The following ATIC variants were observed in gnomAD, a reference collection of about 807,000 sequenced individuals.
ATIC encodes 5-aminoimidazole-4-carboxamide ribonucleotide formyltransferase/IMP cyclohydrolase.
A neutral mutation model predicts 72.5 loss-of-function variants in ATIC; 64 were observed. The ratio of observed to expected loss-of-function variants is 0.88; its 90% CI spans 0.72 to 1.09. The LOEUF is 1.09. Ranked by LOEUF, ATIC falls within the 50% of genes least tolerant of loss-of-function variation. The pLI is 0.00. For missense variants in ATIC, 787 were observed against 732.4 expected (o/e 1.07, Z -0.86); for synonymous variants, 281 against 267.1 (o/e 1.05, Z -0.51).
chr2:215,326,259 T>A (rs2052824278), intron 6 of ATIC, 121 bp downstream of exon 6: 1 of 1,276,290 alleles, frequency 7.8e-7, no homozygotes, highest in Non-Finnish European at 1.1e-6. Context: ...GGAGCTGCTA[T>A]CCTTTTGTTA....
intron 12 of ATIC, among the ~76,000 whole-genome samples, chr2:215,344,236 C>G (rs1005569952): frequency 3.9e-5 from 6 of 152,214 alleles, no homozygotes; most frequent in African/African-American, 1.2e-4. Flanking sequence ...TACAAAATAA[C>G]ATGAGTTTGT....
chr2:215,357,844 C>T, the ATIC span, among the ~76,000 whole-genome samples: 1 of 150,522 alleles, frequency 6.6e-6, no homozygotes, highest in Admixed American at 6.6e-5. Flanking sequence ...GTCCCAACAG[C>T]GGTCTTTTTT....
the ATIC span, among the ~76,000 whole-genome samples, chr2:215,355,079 CA>C: frequency 6.6e-6 from 1 of 151,986 alleles, no homozygotes; most frequent in African/African-American, 2.4e-5. Flanking sequence ...CCAAAAAAAG[CA>C]GTGTCCTGCC....
At chr2:215,331,467 C>T (rs1416230360) in intron 7 of ATIC, among the ~76,000 whole-genome samples, 6 of 150,752 alleles carry the variant, frequency 4.0e-5, no homozygotes, top group Non-Finnish European at 1.5e-5. Flanking sequence ...ACTACAACCT[C>T]CACCTTCCAG....
downstream of ATIC, among the ~76,000 whole-genome samples, chr2:215,351,525 G>T (rs115828522): frequency 6.6e-6 from 1 of 152,274 alleles, no homozygotes; most frequent in Non-Finnish European, 1.5e-5. Flanking sequence ...ACTTTGGGAG[G>T]ATTGCTTGAG....
In ATIC at chr2:215,312,764, TG is replaced by T. The variant is rs902440510; in HGVS notation, c.146+144del. 8 of 1,362,864 alleles carry T rather than the reference TG, an allele frequency of 5.9e-6. No homozygotes were observed. In the African/African-American group the frequency reaches 1.0e-4, roughly 17 times the overall value. 84.4% of individuals were successfully genotyped at this position (1,362,864 alleles called of 1,614,324 possible). A position where few individuals can be genotyped will look rare whatever the true frequency, so the allele number is the denominator to read the frequency against. ...GTTGGTGTAATACTTCCCCACTTTA[TG>T]GGGAAAAAAAGTGAGGCTCAGAGAG... On this transcript the variant is annotated intron_variant, in intron 2 of 15. Coordinates refer to ENST00000236959, the MANE Select transcript of ATIC (RefSeq NM_004044.7).
intron 9 of ATIC, among the ~76,000 whole-genome samples, chr2:215,334,563 A>T (rs1377175768): frequency 6.6e-6 from 1 of 152,162 alleles, no homozygotes; most frequent in Non-Finnish European, 1.5e-5. Flanking sequence ...ATAACCCATG[A>T]ATATCCCTTT....
At chr2:215,325,049 C>T (rs1473913778) in intron 4 of ATIC, 192 bp from the exon 5 acceptor site, 2 of 548,110 alleles carry the variant, frequency 3.6e-6, no homozygotes, top group African/African-American at 3.8e-5. Flanking sequence ...ATTACCTCTG[C>T]TCGACCCCAG....
At chr2:215,340,197 TAATG>T (rs1410679539) in intron 12 of ATIC, among the ~76,000 whole-genome samples, 2 of 152,206 alleles carry the variant, frequency 1.3e-5, no homozygotes, top group East Asian at 1.9e-4. Flanking sequence ...CCTAGGATAA[TAATG>T]GTGATTTTTG....
downstream of ATIC, among the ~76,000 whole-genome samples, chr2:215,354,392 T>C (rs111497037): frequency 5.1e-3 from 776 of 152,272 alleles, 6 homozygotes; most frequent in African/African-American, 0.018. Flanking sequence ...GTGGGTGTTA[T>C]TTGTATTTCC....
the ATIC span, chr2:215,362,430 G>A: frequency 6.7e-6 from 2 of 297,394 alleles, no homozygotes; most frequent in Non-Finnish European, 1.3e-5. Context: ...GAATCCTAGC[G>A]ATTTTAAAAG....
intron 8 of ATIC, among the ~76,000 whole-genome samples, chr2:215,332,771 A>T (rs2052910095): frequency 1.3e-5 from 2 of 152,194 alleles, no homozygotes. Context: ...GAAATGTCCT[A>T]ATGCAATAGA....
chr2:215,317,915 A>G (rs561780387), intron 2 of ATIC, among the ~76,000 whole-genome samples: 34 of 152,358 alleles, frequency 2.2e-4, no homozygotes, highest in Admixed American at 3.9e-4. Context: ...CCAGTGCTGT[A>G]GTAGTTACCA....
intron 2 of ATIC, among the ~76,000 whole-genome samples, chr2:215,313,474 AGAGG>A (rs2105986690): frequency 6.6e-6 from 1 of 152,284 alleles, no homozygotes; most frequent in Admixed American, 6.5e-5. Context: ...TTCTGGGAGG[AGAGG>A]GAGGAAGTCT....
chr2:215,348,950 C>A, intron 14 of ATIC, 144 bp from the exon 15 acceptor site: 1 of 640,190 alleles, frequency 1.6e-6, no homozygotes, highest in South Asian at 3.7e-5. Context: ...GTGCAAAACT[C>A]CGTCTAAAAA....
In ATIC at chr2:215,325,293, G is replaced by C; in HGVS notation, c.343G>C (p.Val115Leu). ...TGTAAAGACAGTGGCTTCTCCAGGT[G>C]TAACTGTTGAGGAGGCTGTGGAGCA... Reference protein sequence around the residue: ...PFVKTVASPGVTVEEAVEQID... With the variant: ...PFVKTVASPGLTVEEAVEQID... The change falls in exon 5 of 16, where the codon GTA (valine) becomes CTA (leucine). Residue 115 changes from valine (V) to leucine (L), a missense_variant. By Grantham distance (32) the Val-to-Leu change is conservative (BLOSUM62 1). Transcript: ENST00000236959. The C allele has an allele frequency of 3.7e-6, 6 of 1,613,914 alleles. No individual in the cohort carries two copies. Among genetic ancestry groups the C allele is most frequent in the Non-Finnish European group, 5.1e-6 (6 of 1,179,848 alleles).
Position 215,326,069 on chromosome 2 carries a change from G to A in ATIC, c.462G>A (p.Val154=). 6 of 1,614,196 alleles carry A rather than the reference G, an allele frequency of 3.7e-6. No individual in the cohort carries two copies. Among genetic ancestry groups the A allele is most frequent in the Non-Finnish European group, 5.1e-6 (6 of 1,180,034 alleles). The part of the protein sequence containing the change: ...VVCEPEDYVV[V]STEMQSSESK... ...GTGAACCAGAGGACTATGTGGTGGT[G>A]TCCACGGAGATGCAGAGCTCCGAGA... The change falls in exon 6 of 16, where the codon GTG becomes GTA. Residue 154 remains valine (V), a synonymous_variant. Transcript: ENST00000236959.
Position 215,332,459 on chromosome 2 carries a change from G to A in ATIC, c.766G>A (p.Ala256Thr), listed in dbSNP as rs762299898. 4.3e-6 allele frequency: 7 copies of A among 1,613,968 alleles called. No individual in the cohort carries two copies. The highest frequency in any genetic ancestry group is 4.0e-5 in the African/African-American group (3 of 74,896). Residue 256 changes from alanine (A) to threonine (T), a missense_variant, in exon 8 of 16, where the codon GCT becomes ACT. Transcript: ENST00000236959. ...GCAGCTGGTGAAGGAACTCAAGGAG[G>A]CTTTAGGTATTCCAGCCGCTGCCTC... is the stretch of plus-strand genomic sequence containing the variant. ...AWQLVKELKEALGIPAAASFK... is the reference protein window; with the variant it reads ...AWQLVKELKETLGIPAAASFK...
At chr2:215,351,942 C>G (rs2053133583), downstream of ATIC, among the ~76,000 whole-genome samples, 1 of 152,164 alleles carries the variant, frequency 6.6e-6, no homozygotes, top group African/African-American at 2.4e-5. Flanking sequence ...TTCCAAAACC[C>G]TGTACTCTCA....
Sources: allele counts gnomAD v4.1 joint callset (sites outside exome capture counted in the v4.1 genomes callset), GRCh38; gene constraint gnomAD v4.1.1; transcripts MANE v1.5; gene names NCBI Gene and HGNC (gene_info 2026-07-23, HGNC 2026-07-21).